The following RGL1 variants were observed in gnomAD, a reference collection of about 807,000 sequenced individuals.
RGL1 encodes the protein ral guanine nucleotide dissociation stimulator-like 1.
RGL1 carries 24 observed loss-of-function variants against 95.2 expected under a neutral mutation model. The observed-to-expected ratio is 0.25, with a 90% CI of 0.18 to 0.35. The LOEUF (loss-of-function observed/expected upper bound fraction) is 0.35, where lower values mean the gene tolerates loss of function less well. Ranked by LOEUF, RGL1 falls within the 10% of genes least tolerant of loss-of-function variation. The pLI is 1.00. For synonymous variants in RGL1, 329 were observed against 344.9 expected (o/e 0.95, Z 0.51); for missense variants, 715 against 936.3 (o/e 0.76, Z 3.08).
At chr1:183,876,927 A>G (rs1666529246) in intron 4 of RGL1, among the ~76,000 whole-genome samples, 1 of 152,230 alleles carries the variant, frequency 6.6e-6, no homozygotes, top group African/African-American at 2.4e-5. Flanking sequence ...TCTGGCAAGT[A>G]GTTGTAAGAC....
intron 1 of RGL1, chr1:183,648,148 G>GA (rs1212900065): frequency 6.2e-7 from 1 of 1,614,172 alleles, no homozygotes. Context: ...AAAATGGGCT[G>GA]AAAAACATGT....
At chr1:183,908,856 C>T (rs1046460331) in intron 14 of RGL1, among the ~76,000 whole-genome samples, 4 of 152,206 alleles carry the variant, frequency 2.6e-5, no homozygotes, top group Admixed American at 6.5e-5. Context: ...CTCCTGCCTT[C>T]TCCCCATCCT....
chr1:183,729,613 TC>T (rs1275107611), intron 1 of RGL1, among the ~76,000 whole-genome samples: 1 of 152,206 alleles, frequency 6.6e-6, no homozygotes, highest in African/African-American at 2.4e-5. Flanking sequence ...ATTCAGCAAT[TC>T]TACTCTTAGG....
chr1:183,837,626 A>T (rs1033508760), intron 2 of RGL1, among the ~76,000 whole-genome samples: 4 of 152,204 alleles, frequency 2.6e-5, no homozygotes, highest in African/African-American at 9.6e-5. Flanking sequence ...TAGGTAACGA[A>T]GTCATTGAAA....
chr1:183,795,430 G>A lies in RGL1; in HGVS notation c.133-10945G>A, dbSNP rs78926983. On this transcript the variant is annotated intron_variant, in intron 2 of 18. Transcript: ENST00000304685. ...TATGGTACTATGAGAGCACATAATA[G>A]GGGTATTTAACTGAGGTGGGAGAGG... 5.5e-3 allele frequency among the ~76,000 whole-genome samples: 842 copies of A among 152,326 alleles called. 10 individuals carry two copies. The highest frequency in any genetic ancestry group is 0.019 in the African/African-American group (790 of 41,574).
chr1:183,925,336 G>A (rs1440097172), intron 17 of RGL1, among the ~76,000 whole-genome samples: 1 of 152,264 alleles, frequency 6.6e-6, no homozygotes, highest in East Asian at 1.9e-4. Context: ...GCCTGTCAGG[G>A]GGTTGGGGAA....
intron 2 of RGL1, among the ~76,000 whole-genome samples, chr1:183,779,782 T>C (rs1287239059): frequency 6.6e-6 from 1 of 152,116 alleles, no homozygotes; most frequent in Non-Finnish European, 1.5e-5. Context: ...GAAAGATAGT[T>C]TGTAAATTTG....
chr1:183,652,061 T>C (rs1283331301), intron 1 of RGL1, among the ~76,000 whole-genome samples: 1 of 152,214 alleles, frequency 6.6e-6, no homozygotes, highest in African/African-American at 2.4e-5. Context: ...ACAGATTGAT[T>C]TGGCTAAATG....
intron 1 of RGL1, 139 bp downstream of exon 1, chr1:183,805,463 C>T: frequency 1.3e-6 from 1 of 759,110 alleles, no homozygotes; most frequent in East Asian, 2.7e-5. Flanking sequence ...TCTCTCACTC[C>T]GCTTTGTATT....
At position 183,904,984 on chromosome 1, in the gene RGL1, G is replaced by T; in HGVS notation, c.1472+13G>T. The stretch of plus-strand genomic sequence containing the variant: ...CAGAGGAGGAGAGGTGGGATCACCT[G>T]TCGTTCATCGGGGTAGAACTGAAGT... On this transcript the variant is annotated intron_variant, in intron 13 of 17. Transcript: ENST00000360851. 2.5e-6 allele frequency: 4 copies of T among 1,608,420 alleles called. No individual in the cohort carries two copies. Among genetic ancestry groups the T allele is most frequent in the Non-Finnish European group, 3.4e-6 (4 of 1,178,414 alleles).
At chr1:183,892,969 C>T (rs899613259) in intron 9 of RGL1, among the ~76,000 whole-genome samples, 2 of 152,182 alleles carry the variant, frequency 1.3e-5, no homozygotes, top group Admixed American at 1.3e-4. Context: ...AGGCATACAA[C>T]CAATAGGTGG....
In RGL1 at chr1:183,892,170, C is replaced by G. The variant is rs776642247; in HGVS notation, c.1140+9C>G. ...GAGAACTACTGATGAAGGTGAGGCT[C>G]TTAGTGAGGCTGCTGTGTAGTGCTG... On this transcript the variant is annotated intron_variant, in intron 9 of 17. Transcript: ENST00000360851. 5 of 1,584,932 alleles carry G rather than the reference C, an allele frequency of 3.2e-6. No individual in the cohort carries two copies. The highest frequency in any genetic ancestry group is 3.3e-5 in the Admixed American group (2 of 59,924).
At chr1:183,890,597 T>C (rs998433062) in intron 8 of RGL1, among the ~76,000 whole-genome samples, 8 of 152,208 alleles carry the variant, frequency 5.3e-5, no homozygotes, top group African/African-American at 1.9e-4. Context: ...TATTTGGACA[T>C]GGTACATCTA....
Position 183,926,199 on chromosome 1 carries a change from A to C in RGL1, c.2214A>C (p.Glu738Asp). Residue 738 changes from glutamate (E) to aspartate (D), a missense_variant, in exon 18 of 18, where the codon GAA becomes GAC. Glu to Asp is a conservative substitution (Grantham distance 45). Around this residue, in one of 3 missense-constraint regions of RGL1, gnomAD observed 330 missense variants for 429.6 expected, o/e 0.77. Transcript: ENST00000360851. ...FILRKKNSMEEQVKLRSRTSL... is the reference protein window; with the variant it reads ...FILRKKNSMEDQVKLRSRTSL... ...TGCGCAAAAAGAACTCCATGGAAGA[A>C]CAAGTGAAACTGCGTAGCCGGACCA... is the stretch of plus-strand genomic sequence containing the variant. 6.2e-7 allele frequency: 1 copy of C among 1,614,156 alleles called. No homozygotes were observed. The highest frequency in any genetic ancestry group is 8.5e-7 in the Non-Finnish European group (1 of 1,179,990).
chr1:183,887,172 C>T (rs1558272457), intron 7 of RGL1, among the ~76,000 whole-genome samples: 10 of 146,900 alleles, frequency 6.8e-5, no homozygotes, highest in East Asian at 2.0e-4. Context: ...CCCTCCCTCC[C>T]TCTTTTCCTC....
At chr1:183,775,162 A>C (rs1420839935) in intron 2 of RGL1, among the ~76,000 whole-genome samples, 1 of 152,092 alleles carries the variant, frequency 6.6e-6, no homozygotes, top group East Asian at 1.9e-4. Flanking sequence ...GGCAATACTC[A>C]CTGTCTCAGT....
chr1:183,851,161 T>C (rs1664804332), intron 3 of RGL1, among the ~76,000 whole-genome samples: 1 of 152,248 alleles, frequency 6.6e-6, no homozygotes, highest in Non-Finnish European at 1.5e-5. Context: ...ATGTACGATA[T>C]AACTGGAGAG....
At chr1:183,919,016 A>G (rs1669157741) in intron 16 of RGL1, among the ~76,000 whole-genome samples, 1 of 152,234 alleles carries the variant, frequency 6.6e-6, no homozygotes, top group African/African-American at 2.4e-5. Flanking sequence ...ACCCCTTTAT[A>G]CTCTGAAACA....
At chr1:183,752,543 A>ATTTT (rs1190501937) in intron 2 of RGL1, among the ~76,000 whole-genome samples, 2 of 152,218 alleles carry the variant, frequency 1.3e-5, no homozygotes, top group East Asian at 3.9e-4. Flanking sequence ...TTAATTTTTT[A>ATTTT]AATCTAGATG....
Sources: allele counts gnomAD v4.1 joint callset (sites outside exome capture counted in the v4.1 genomes callset), GRCh38; gene constraint gnomAD v4.1.1; regional missense constraint gnomAD v4.1.1; transcripts MANE v1.5; gene names NCBI Gene and HGNC (gene_info 2026-07-23, HGNC 2026-07-21).